The following ASIC2 variants were observed in gnomAD, a reference collection of about 807,000 sequenced individuals.
ASIC2 encodes acid-sensing ion channel 2.
Under a neutral mutation model 57.3 loss-of-function variants are expected in ASIC2, and 25 were observed. That is an observed-to-expected ratio of 0.44 (90% CI 0.32 to 0.61). ASIC2 has a LOEUF of 0.61. ASIC2 is among the 20% of genes least tolerant of loss of function. ASIC2 has a pLI of 0.06. For missense variants in ASIC2, 641 were observed against 738.1 expected, an observed-to-expected ratio of 0.87 and a Z score of 1.52; for synonymous variants, 319 against 307.5, an observed-to-expected ratio of 1.04 and a Z score of -0.39.
chr17:33,608,912 G>T (rs549382511), intron 1 of ASIC2, among the ~76,000 whole-genome samples: 3 of 152,246 alleles, frequency 2.0e-5, no homozygotes, highest in East Asian at 1.9e-4. Context: ...CCTAGGAAAT[G>T]ATGTCATTAT....
chr17:33,034,114 C>T (rs920876709), intron 3 of ASIC2, among the ~76,000 whole-genome samples: 1 of 152,092 alleles, frequency 6.6e-6, no homozygotes, highest in Non-Finnish European at 1.5e-5. Flanking sequence ...GGGTGAGCTG[C>T]CTGCAGAGAG....
intron 1 of ASIC2, among the ~76,000 whole-genome samples, chr17:33,283,669 A>C (rs1905045782): frequency 6.6e-6 from 1 of 152,200 alleles, no homozygotes; most frequent in Non-Finnish European, 1.5e-5. Context: ...AAGAGACCTT[A>C]ATTCAAATGC....
At chr17:33,129,261 G>A (rs907517278) in intron 1 of ASIC2, among the ~76,000 whole-genome samples, 4 of 152,154 alleles carry the variant, frequency 2.6e-5, no homozygotes, top group Admixed American at 2.6e-4. Flanking sequence ...GATGTAGCTG[G>A]GAAGAGGTTT....
intron 1 of ASIC2, among the ~76,000 whole-genome samples, chr17:33,909,059 C>T (rs1915407173): frequency 6.6e-6 from 1 of 152,180 alleles, no homozygotes; most frequent in Non-Finnish European, 1.5e-5. Context: ...GATTATGTCA[C>T]CATTTTGACA....
intron 1 of ASIC2, among the ~76,000 whole-genome samples, chr17:33,859,734 G>A (rs1437230794): frequency 1.3e-5 from 2 of 152,196 alleles, no homozygotes; most frequent in Non-Finnish European, 2.9e-5. Flanking sequence ...AAGCTAGAGT[G>A]CAGTGGTGTG....
At chr17:33,398,868 C>T (rs1242037696) in intron 1 of ASIC2, among the ~76,000 whole-genome samples, 1 of 152,152 alleles carries the variant, frequency 6.6e-6, no homozygotes, top group African/African-American at 2.4e-5. Context: ...CCAGAAGAAG[C>T]TACCATTTAC....
intron 1 of ASIC2, among the ~76,000 whole-genome samples, chr17:33,892,624 C>T (rs1422675909): frequency 3.3e-5 from 5 of 152,210 alleles, no homozygotes; most frequent in African/African-American, 9.7e-5. Context: ...GCCTTCCTCA[C>T]TGGACTGTAG....
intron 1 of ASIC2, among the ~76,000 whole-genome samples, chr17:33,681,779 C>T (rs1908008923): frequency 6.6e-6 from 1 of 152,210 alleles, no homozygotes; most frequent in Non-Finnish European, 1.5e-5. Flanking sequence ...ATGCTTGTCA[C>T]TGCATTTATT....
intron 1 of ASIC2, among the ~76,000 whole-genome samples, chr17:33,343,924 G>A (rs749630700): frequency 1.3e-5 from 2 of 152,300 alleles, no homozygotes. Context: ...TACCTGGACC[G>A]CCCTGTGTCT....
intron 1 of ASIC2, among the ~76,000 whole-genome samples, chr17:33,609,533 CCCCAAGCTCAA>C (rs1378361537): frequency 6.6e-6 from 1 of 152,168 alleles, no homozygotes; most frequent in Non-Finnish European, 1.5e-5. Flanking sequence ...TAAATGCTGC[CCCCAAGCTCAA>C]CCCAGTAGAA....
intron 1 of ASIC2, chr17:33,980,704 T>C (rs1338264620): frequency 1.3e-5 from 2 of 152,260 alleles, no homozygotes; most frequent in African/African-American, 4.8e-5. Flanking sequence ...TAACCCTGAC[T>C]GCAGAGAGCT....
chr17:33,881,716 C>T (rs1914704657), intron 1 of ASIC2, among the ~76,000 whole-genome samples: 1 of 151,964 alleles, frequency 6.6e-6, no homozygotes, highest in Non-Finnish European at 1.5e-5. Flanking sequence ...AATGCCATCC[C>T]CATCAAGCTC....
chr17:33,363,828 C>G (rs1169657011), intron 1 of ASIC2, among the ~76,000 whole-genome samples: 1 of 152,182 alleles, frequency 6.6e-6, no homozygotes, highest in Non-Finnish European at 1.5e-5. Context: ...CTCCAAGCTT[C>G]CGGGCACATT....
intron 1 of ASIC2, among the ~76,000 whole-genome samples, chr17:33,340,843 G>A (rs1233791978): frequency 3.3e-5 from 5 of 152,056 alleles, no homozygotes; most frequent in African/African-American, 1.2e-4. Flanking sequence ...GCTAGTATGA[G>A]GCCTGCGAGG....
chr17:33,887,419 T>C (rs987284929), intron 1 of ASIC2, among the ~76,000 whole-genome samples: 52 of 152,134 alleles, frequency 3.4e-4, no homozygotes, highest in African/African-American at 1.2e-3. Context: ...TATTGAGGTA[T>C]CAGGGAAGGC....
At position 33,293,084 on chromosome 17, in the gene ASIC2, A is replaced by C. The variant is rs1597669954; in HGVS notation, c.-969T>G. On this transcript the variant is annotated 5_prime_UTR_variant, in exon 1 of 10. Transcript: ENST00000225823. Reference sequence around the variant, plus strand: ...CTGGGGACTGCGGGGACCCGCCAACACCTCCCGGGGGTGACCCGGACTCGC... The same window carrying C: ...CTGGGGACTGCGGGGACCCGCCAACCCCTCCCGGGGGTGACCCGGACTCGC... 1.0e-6 allele frequency: 1 copy of C among 965,164 alleles called. No individual in the cohort carries two copies. Among genetic ancestry groups the C allele is most frequent in the Non-Finnish European group, 1.2e-6 (1 of 812,494 alleles). The allele number at this position is 965,164 out of a possible 1,614,324, so 59.8% of individuals were successfully genotyped here.
intron 1 of ASIC2, among the ~76,000 whole-genome samples, chr17:34,032,065 T>C (rs550908303): frequency 6.6e-6 from 1 of 152,114 alleles, no homozygotes; most frequent in Non-Finnish European, 1.5e-5. Flanking sequence ...AATTGTCAGA[T>C]GAACCAAAGT....
chr17:33,171,166 C>T (rs1905506748), intron 1 of ASIC2, among the ~76,000 whole-genome samples: 1 of 152,188 alleles, frequency 6.6e-6, no homozygotes, highest in Admixed American at 6.5e-5. Context: ...CCTGAGTTCT[C>T]AATCTTACTC....
At chr17:33,407,910 C>G (rs11652534) in intron 1 of ASIC2, among the ~76,000 whole-genome samples, 40,503 of 152,036 alleles carry the variant, frequency 0.27, 6,792 homozygotes, top group Non-Finnish European at 0.36. Context: ...GGCAACCCAG[C>G]CAATGAGAAG....
Sources: allele counts gnomAD v4.1 joint callset (sites outside exome capture counted in the v4.1 genomes callset), GRCh38; gene constraint gnomAD v4.1.1; transcripts MANE v1.5; gene names NCBI Gene and HGNC (gene_info 2026-07-23, HGNC 2026-07-21).